TRAPPC9: variants seen among roughly 807,000 people sequenced by gnomAD.
TRAPPC9 encodes IKK2 binding protein.
A neutral mutation model predicts 124.0 loss-of-function variants in TRAPPC9; 83 were observed. That is an observed-to-expected ratio of 0.67 (90% CI 0.56 to 0.80). The LOEUF (loss-of-function observed/expected upper bound fraction) is 0.80. TRAPPC9 is among the 30% of genes least tolerant of loss of function. The pLI is 0.00. For synonymous variants in TRAPPC9, 638 were observed against 617.5 expected (o/e 1.03, Z -0.49); for missense variants, 1,302 against 1,508.3 (o/e 0.86, Z 2.27).
intron 1 of TRAPPC9, among the ~76,000 whole-genome samples, chr8:140,453,958 C>G (rs3115824): frequency 1.3e-5 from 2 of 152,070 alleles, no homozygotes; most frequent in South Asian, 2.1e-4. Flanking sequence ...AGGAGGAGAG[C>G]GCGGCCCACC....
At chr8:139,755,701 T>C (rs13264522) in intron 21 of TRAPPC9, among the ~76,000 whole-genome samples, 1 of 22,582 alleles carries the variant, frequency 4.4e-5, no homozygotes, top group Non-Finnish European at 8.3e-5. Context: ...TTGGGGATGA[T>C]GACAGCATGT....
In TRAPPC9 at chr8:140,425,502, C is replaced by T. The variant is rs1206958633; in HGVS notation, c.886+1113G>A. Among the ~76,000 whole-genome samples the T allele has an allele frequency of 6.6e-5, 10 of 152,324 alleles. No homozygotes were observed. The East Asian group carries it at 1.7e-3, about 26-fold the overall frequency. On this transcript the variant is annotated intron_variant, in intron 5 of 22. Transcript: ENST00000438773. ...CTCTACACAACCTTATCTTGAAAAG[C>T]GTCGGAAATCTTTTTAAAATGCCTT... is the stretch of plus-strand genomic sequence containing the variant.
chr8:140,243,975 T>C (rs1226800211), intron 16 of TRAPPC9, among the ~76,000 whole-genome samples: 1 of 152,228 alleles, frequency 6.6e-6, no homozygotes, highest in African/African-American at 2.4e-5. Context: ...GGCCTCAGGT[T>C]CTCACAGGAG....
chr8:140,288,288 A>G (rs932545297), intron 12 of TRAPPC9, among the ~76,000 whole-genome samples: 4 of 152,236 alleles, frequency 2.6e-5, no homozygotes, highest in African/African-American at 9.6e-5. Context: ...GGCTGCAATG[A>G]TCACACCACT....
At chr8:139,746,478 C>T (rs1251557781) in intron 21 of TRAPPC9, among the ~76,000 whole-genome samples, 1 of 152,132 alleles carries the variant, frequency 6.6e-6, no homozygotes, top group African/African-American at 2.4e-5. Context: ...GCTATGGGAC[C>T]AACAGGTCCA....
At chr8:139,830,724 C>G (rs980084116) in intron 21 of TRAPPC9, among the ~76,000 whole-genome samples, 2 of 152,166 alleles carry the variant, frequency 1.3e-5, no homozygotes, top group Non-Finnish European at 2.9e-5. Flanking sequence ...CACACACACA[C>G]AGACACACAC....
chr8:140,203,317 T>C (rs1476854853), intron 17 of TRAPPC9, among the ~76,000 whole-genome samples: 1 of 152,270 alleles, frequency 6.6e-6, no homozygotes, highest in Non-Finnish European at 1.5e-5. Flanking sequence ...TCTGGCTTCA[T>C]GGTCGTGATC....
chr8:139,997,318 G>A (rs116795568), intron 18 of TRAPPC9, among the ~76,000 whole-genome samples: 2,366 of 151,352 alleles, frequency 0.016, 50 homozygotes, highest in African/African-American at 0.053. Flanking sequence ...CTACCCAGGG[G>A]AGAAAATACA....
intron 17 of TRAPPC9, among the ~76,000 whole-genome samples, chr8:140,179,192 T>C (rs2062143860): frequency 6.6e-6 from 1 of 152,136 alleles, no homozygotes; most frequent in African/African-American, 2.4e-5. Flanking sequence ...CAAGTCTCCT[T>C]TCCCAGTGTA....
intron 5 of TRAPPC9, among the ~76,000 whole-genome samples, chr8:140,419,448 A>AAAAACAAAACAAAAC (rs1554683876): frequency 1.4e-4 from 13 of 94,812 alleles, no homozygotes; most frequent in African/African-American, 3.9e-4. Flanking sequence ...AAAAAAAAAA[A>AAAAACAAAACAAAAC]AAAACAAAAC....
intron 17 of TRAPPC9, among the ~76,000 whole-genome samples, chr8:140,191,457 G>C (rs1435911345): frequency 6.6e-6 from 1 of 152,172 alleles, no homozygotes; most frequent in Non-Finnish European, 1.5e-5. Context: ...CCTCCTGAAT[G>C]ACTCGGCGCC....
chr8:139,855,658 C>T (rs553139518), intron 21 of TRAPPC9, among the ~76,000 whole-genome samples: 2 of 152,220 alleles, frequency 1.3e-5, no homozygotes, highest in Non-Finnish European at 2.9e-5. Context: ...CAGGCCCTGG[C>T]GCCTCTCTCT....
chr8:140,228,417 C>T (rs2063503827), intron 16 of TRAPPC9, among the ~76,000 whole-genome samples: 1 of 152,216 alleles, frequency 6.6e-6, no homozygotes, highest in Non-Finnish European at 1.5e-5. Flanking sequence ...TTAGCCAATA[C>T]TCATCCTTAA....
chr8:139,921,926 C>T (rs991324509), intron 19 of TRAPPC9, among the ~76,000 whole-genome samples: 8 of 151,234 alleles, frequency 5.3e-5, no homozygotes, highest in Admixed American at 3.3e-4. Flanking sequence ...GCTCAACCCC[C>T]GCCCCCAACA....
rs143309230 is a variant in TRAPPC9, at chr8:140,305,569, T to A, written c.1623-4955A>T. 4.5e-4 allele frequency among the ~76,000 whole-genome samples: 68 copies of A among 152,318 alleles called. No homozygotes were observed. The East Asian group carries it at 0.013, about 29-fold the overall frequency. On this transcript the variant is annotated intron_variant, in intron 10 of 22. Transcript: ENST00000438773. ...CCCCTGCCTCGGCCTCCCAAAGTGT[T>A]CACATTACAGGCGTGAGCCACCGTG...
chr8:140,170,790 A>G (rs1440771770), intron 17 of TRAPPC9, among the ~76,000 whole-genome samples: 3 of 152,212 alleles, frequency 2.0e-5, no homozygotes, highest in Non-Finnish European at 4.4e-5. Context: ...AGAACTACCC[A>G]GCTCCAGCGC....
intron 21 of TRAPPC9, among the ~76,000 whole-genome samples, chr8:139,768,616 T>C (rs1239704179): frequency 6.6e-6 from 1 of 152,250 alleles, no homozygotes; most frequent in South Asian, 2.1e-4. Flanking sequence ...TCACCTCCAA[T>C]TGTTAGTTTT....
chr8:139,881,175 G>C (rs1829655107), intron 21 of TRAPPC9: 1 of 152,162 alleles, frequency 6.6e-6, no homozygotes, highest in African/African-American at 2.4e-5. Flanking sequence ...GGTGGCCTCT[G>C]GCTGGAGAGA....
chr8:140,004,459 G>A (rs1227240210), intron 18 of TRAPPC9, among the ~76,000 whole-genome samples: 2 of 152,166 alleles, frequency 1.3e-5, no homozygotes, highest in African/African-American at 4.8e-5. Flanking sequence ...GTTGCTTAAT[G>A]GCTATAACAT....
Sources: allele counts gnomAD v4.1 joint callset (sites outside exome capture counted in the v4.1 genomes callset), GRCh38; gene constraint gnomAD v4.1.1; transcripts MANE v1.5; gene names NCBI Gene and HGNC (gene_info 2026-07-23, HGNC 2026-07-21).